Variants in BOC observed in about 807,000 individuals in gnomAD.
BOC encodes BOC cell adhesion associated, oncogene regulated.
Under a neutral mutation model 112.0 loss-of-function variants are expected in BOC, and 76 were observed. That is an observed-to-expected ratio of 0.68 (90% confidence interval 0.56 to 0.82). The LOEUF is 0.82. Ranked by LOEUF, BOC falls within the 40% of genes least tolerant of loss-of-function variation. The pLI, the probability that BOC is intolerant of heterozygous loss-of-function variation, is 0.00. For synonymous variants in BOC, 580 were observed against 599.8 expected (o/e 0.97, Z 0.48); for missense variants, 1,309 against 1,511.7 (o/e 0.87, Z 2.22).
chr3:113,229,948 G>A (rs1213449100), intron 2 of BOC, among the ~76,000 whole-genome samples: 1 of 152,194 alleles, frequency 6.6e-6, no homozygotes, highest in Non-Finnish European at 1.5e-5. Context: ...AAATATTGAT[G>A]TCAAGCTCCC....
rs562361976 is a variant in BOC, at chr3:113,284,525, G to C, written c.2847G>C (p.Pro949=). The C allele has an allele frequency of 2.5e-6, 4 of 1,613,786 alleles. No homozygotes were observed. The South Asian group carries it at 4.4e-5, about 18-fold the overall frequency. Residue 949 remains proline (P), a synonymous_variant, in exon 17 of 20, where the codon CCG becomes CCC. Coordinates refer to ENST00000682979, the MANE Select transcript of BOC (RefSeq NM_001378074.1). ...RGCPSAAVGY[P]GMKPQQHCPG... ...GCCCCTCGGCTGCAGTGGGCTACCC[G>C]GGCATGAAGCCCCAGCAGCACTGCC...
At position 113,233,670 on chromosome 3, in the gene BOC, A is replaced by G. The variant is rs1386027221; in HGVS notation, c.-81-16052A>G. Among the ~76,000 whole-genome samples the G allele has an allele frequency of 3.9e-5, 6 of 152,126 alleles. No homozygotes were observed. In the East Asian group the frequency reaches 1.2e-3, roughly 29 times the overall value. On this transcript the variant is annotated intron_variant, in intron 2 of 19. Coordinates refer to ENST00000682979, the MANE Select transcript of BOC (RefSeq NM_001378074.1). ...TAACAGTGTGCTGGGCTCTGGGGGC[A>G]TGAAGAGCTGGGGACCTCACCGCTG...
rs546202622 is a variant in BOC at position 113,252,583 on chromosome 3, T to A, written c.376+1750T>A. Among the ~76,000 whole-genome samples, 103 of 152,174 alleles carry A rather than the reference T, an allele frequency of 6.8e-4. 2 individuals carry two copies. The South Asian group carries it at 0.02, about 30-fold the overall frequency. On this transcript the variant is annotated intron_variant, in intron 4 of 19. Coordinates refer to ENST00000682979, the MANE Select transcript of BOC (RefSeq NM_001378074.1). ...CCCTACGTGCCCTCCAGTCCCCAGA[T>A]CCCTGGAGGAGCTTCACTCTGTGGG...
At position 113,273,156 on chromosome 3, in the gene BOC, C is replaced by T; in HGVS notation, c.1049C>T (p.Pro350Leu). Reference protein sequence around the residue: ...AKLTCEVRGNPPPSVLWLRNA... With the variant: ...AKLTCEVRGNLPPSVLWLRNA... ...CTTACCTGTGAGGTGCGTGGGAACC[C>T]CCCGCCCTCCGTGCTGTGGCTGAGG... is the stretch of plus-strand genomic sequence containing the variant. Residue 350 changes from proline to leucine, a missense_variant, in exon 8 of 20, where the codon CCC (proline) becomes CTC (leucine). Coordinates refer to ENST00000682979, the MANE Select transcript of BOC (RefSeq NM_001378074.1). The T allele has an allele frequency of 6.2e-7, 1 of 1,614,066 alleles. No homozygotes were observed. Among genetic ancestry groups the T allele is most frequent in the Non-Finnish European group, 8.5e-7 (1 of 1,179,982 alleles).
Position 113,287,011 on chromosome 3 carries a change from T to C in BOC, c.*149T>C. The C allele has an allele frequency of 1.1e-6, 1 of 932,182 alleles. No homozygotes were observed. The highest frequency in any genetic ancestry group is 1.6e-6 in the Non-Finnish European group (1 of 609,368). The allele number at this position is 932,182 out of a possible 1,614,324, so 57.7% of individuals were successfully genotyped here. A position where few individuals can be genotyped will look rare whatever the true frequency, so the allele number is the denominator to read the frequency against. On this transcript the variant is annotated 3_prime_UTR_variant, in exon 20 of 20. Coordinates refer to ENST00000682979, the MANE Select transcript of BOC (RefSeq NM_001378074.1). ...CTTGTAAATAAATGTATATGTTTTA[T>C]AATTCTGGAGAGACATAAGGAGTCC...
Position 113,236,305 on chromosome 3 carries a change from T to C in BOC, c.-81-13417T>C, listed in dbSNP as rs1943544941. ...GGGTATATATATATATATATATATA[T>C]ATATATACCCATGGAATACTGCTCA... On this transcript the variant is annotated intron_variant, in intron 2 of 19. Transcript: ENST00000682979. Among the ~76,000 whole-genome samples, 3 of 87,250 alleles carry C rather than the reference T, an allele frequency of 3.4e-5. No individual in the cohort carries two copies. In the Admixed American group the frequency reaches 3.5e-4, roughly 10 times the overall value. The allele number at this position is 87,250 out of a possible 152,430, so 57.2% of individuals were successfully genotyped here.
At chr3:113,244,687 T>C (rs1421195220) in intron 2 of BOC, among the ~76,000 whole-genome samples, 2 of 152,234 alleles carry the variant, frequency 1.3e-5, no homozygotes, top group East Asian at 3.8e-4. Context: ...ATTTCCATCA[T>C]TGCAGAAAAT....
At position 113,274,915 on chromosome 3, in the gene BOC, G is replaced by A. The variant is rs773522465; in HGVS notation, c.1542+233G>A. Among the ~76,000 whole-genome samples the A allele has an allele frequency of 2.0e-5, 3 of 152,200 alleles. No individual in the cohort carries two copies. The highest frequency in any genetic ancestry group is 6.5e-5 in the Admixed American group (1 of 15,286). ...GAAGGCCCAGGAAAAAGCCTTGTGC[G>A]TGCATCCAGTACTAAGCTCTATGCA... On this transcript the variant is annotated intron_variant, in intron 9 of 19. Transcript: ENST00000682979. The surrounding 1 kb of genome is among the most constrained non-coding windows in gnomAD (Gnocchi z 4.8).
intron 13 of BOC, among the ~76,000 whole-genome samples, chr3:113,280,269 C>T (rs1441854946): frequency 6.6e-6 from 1 of 151,770 alleles, no homozygotes; most frequent in African/African-American, 2.4e-5. Context: ...TTCTCAGCCA[C>T]AGGGGCCCCT....
chr3:113,226,866 T>C (rs78955661), intron 2 of BOC, among the ~76,000 whole-genome samples: 2,696 of 152,344 alleles, frequency 0.018, 69 homozygotes, highest in African/African-American at 0.058. Context: ...CATTCATGCC[T>C]CTTCAGTCAA....
At chr3:113,227,656 G>A (rs928159506) in intron 2 of BOC, among the ~76,000 whole-genome samples, 1 of 152,192 alleles carries the variant, frequency 6.6e-6, no homozygotes, top group Non-Finnish European at 1.5e-5. Flanking sequence ...GGTTGGGTGA[G>A]TGGGGGTTTC....
chr3:113,270,814 C>A lies in BOC; in HGVS notation c.537C>A (p.Ile179=). ...WLEASRGNYL[I]MPSGNLQIVN... is the part of the protein sequence containing the mutation. ...CCCTTTCCACAGGTAACTACCTGAT[C>A]ATGCCCTCAGGGAACCTCCAGATTG... The change falls in exon 6 of 20, where the codon ATC becomes ATA. Residue 179 remains isoleucine, a synonymous_variant. Coordinates refer to ENST00000682979, the MANE Select transcript of BOC (RefSeq NM_001378074.1). 6.2e-7 allele frequency: 1 copy of A among 1,612,332 alleles called. No individual in the cohort carries two copies. Among genetic ancestry groups the A allele is most frequent in the Non-Finnish European group, 8.5e-7 (1 of 1,179,014 alleles).
chr3:113,253,685 T>C (rs1406541628), intron 4 of BOC, among the ~76,000 whole-genome samples: 4 of 152,108 alleles, frequency 2.6e-5, no homozygotes, highest in Non-Finnish European at 4.4e-5. Context: ...CTCATGCCCC[T>C]TCCTAGTTAG....
rs1440703207 is a variant in BOC, at chr3:113,220,441, G to A, written c.-82+4167G>A. On this transcript the variant is annotated intron_variant, in intron 2 of 19. Coordinates refer to ENST00000682979, the MANE Select transcript of BOC (RefSeq NM_001378074.1). Reference sequence around the variant, plus strand: ...GGAAATGAGGTCATGGAAACTCAGTGTGACTTTATTTCCCTGTTTTTATAT... The same window carrying A: ...GGAAATGAGGTCATGGAAACTCAGTATGACTTTATTTCCCTGTTTTTATAT... Among the ~76,000 whole-genome samples, 3 of 152,298 alleles carry A rather than the reference G, an allele frequency of 2.0e-5. No individual in the cohort carries two copies. In the East Asian group the frequency reaches 5.8e-4, roughly 29 times the overall value.
chr3:113,274,468 G>A lies in BOC; in HGVS notation c.1328G>A (p.Arg443Lys), dbSNP rs145086237. The A allele has an allele frequency of 1.2e-6, 2 of 1,611,276 alleles. No individual in the cohort carries two copies. The highest frequency in any genetic ancestry group is 1.3e-5 in the African/African-American group (1 of 74,994). The part of the protein sequence containing the change: ...SKLGNPEQML[R>K]GQPALPRPPT... ...CTCGGCAACCCTGAGCAGATGCTGA[G>A]GGGGCAACCGGCGCTCCCCAGACCC... The change falls in exon 9 of 20, where the codon AGG (arginine) becomes AAG (lysine). Residue 443 changes from arginine to lysine, a missense_variant. Physicochemically the swap from Arg to Lys is conservative, Grantham distance 26. Coordinates refer to ENST00000682979, the MANE Select transcript of BOC (RefSeq NM_001378074.1). This position sits in a 1 kb window ranked among gnomAD's most constrained non-coding sequence, Gnocchi z 4.8.
chr3:113,273,263 GA>G lies in BOC; in HGVS notation c.1158del (p.Gly387AlafsTer17). 6.2e-7 allele frequency: 1 copy of G among 1,613,010 alleles called. No individual in the cohort carries two copies. The highest frequency in any genetic ancestry group is 8.5e-7 in the Non-Finnish European group (1 of 1,179,698). ...LRVLSMGPED[E>X]GVYQCMAENE... ...CGTGCTCAGCATGGGGCCTGAGGACGAAGGCGTCTACCAGTGCATGGCCGAG... is the reference window on the plus strand; with the variant it reads ...CGTGCTCAGCATGGGGCCTGAGGACGAGGCGTCTACCAGTGCATGGCCGAG... On this transcript the variant is annotated frameshift_variant, in exon 8 of 20. Coordinates refer to ENST00000682979, the MANE Select transcript of BOC (RefSeq NM_001378074.1). LOFTEE classifies it high-confidence loss of function.
intron 15 of BOC, among the ~76,000 whole-genome samples, chr3:113,283,041 C>T (rs746488338): frequency 2.6e-5 from 4 of 152,192 alleles, no homozygotes; most frequent in African/African-American, 4.8e-5. Context: ...TCGGTAAATT[C>T]TTCCATTCCC....
chr3:113,224,901 C>A (rs1941393915), intron 2 of BOC, among the ~76,000 whole-genome samples: 3 of 151,914 alleles, frequency 2.0e-5, no homozygotes, highest in South Asian at 2.1e-4. Flanking sequence ...CACTGTGAAA[C>A]CCCGTCTCTA....
chr3:113,268,185 T>A, intron 4 of BOC, 114 bp from the exon 5 acceptor site: 1 of 1,464,066 alleles, frequency 6.8e-7, no homozygotes, highest in Non-Finnish European at 9.2e-7. Context: ...TCCCCTGATA[T>A]CCCCCTAGGT....
Sources: allele counts gnomAD v4.1 joint callset (sites outside exome capture counted in the v4.1 genomes callset), GRCh38; gene constraint gnomAD v4.1.1; non-coding constraint Gnocchi (gnomAD v3.1); transcripts MANE v1.5; gene names NCBI Gene and HGNC (gene_info 2026-07-23, HGNC 2026-07-21).